MAP2K6: variants seen among roughly 807,000 people sequenced by gnomAD.
The protein encoded by MAP2K6 is mitogen-activated protein kinase kinase 6.
A neutral mutation model predicts 53.7 loss-of-function variants in MAP2K6; 16 were observed. The ratio of observed to expected loss-of-function variants is 0.30; its 90% confidence interval spans 0.20 to 0.45. The LOEUF (loss-of-function observed/expected upper bound fraction) is 0.45, where lower values mean the gene tolerates loss of function less well. Ranked by LOEUF, MAP2K6 falls within the 20% of genes least tolerant of loss-of-function variation. The pLI is 1.00. For synonymous variants in MAP2K6, 132 were observed against 143.1 expected (o/e 0.92, Z 0.55); for missense variants, 204 against 411.9 (o/e 0.50, Z 4.37).
intron 2 of MAP2K6, among the ~76,000 whole-genome samples, chr17:69,507,498 C>T (rs980466154): frequency 5.3e-5 from 8 of 152,204 alleles, no homozygotes; most frequent in South Asian, 2.1e-4. Flanking sequence ...TCCCCATCTC[C>T]GTCCTTAATC....
chr17:69,416,499 C>G (rs1438393931), intron 1 of MAP2K6, among the ~76,000 whole-genome samples: 5 of 152,086 alleles, frequency 3.3e-5, no homozygotes, highest in Non-Finnish European at 7.3e-5. Context: ...CATTTAGTTA[C>G]TTTGTATTTG....
intron 1 of MAP2K6, among the ~76,000 whole-genome samples, chr17:69,443,056 C>T (rs1906870351): frequency 6.6e-6 from 1 of 152,068 alleles, no homozygotes; most frequent in Middle Eastern, 3.2e-3. Flanking sequence ...CCACCCAGAC[C>T]ATCCAGTTTA....
intron 1 of MAP2K6, among the ~76,000 whole-genome samples, chr17:69,475,952 C>T (rs572110428): frequency 2.0e-5 from 3 of 152,234 alleles, no homozygotes; most frequent in African/African-American, 4.8e-5. Context: ...TCTTAAGATG[C>T]GAACCATGTA....
intron 2 of MAP2K6, among the ~76,000 whole-genome samples, chr17:69,507,306 A>AT (rs1393838857): frequency 2.6e-5 from 4 of 151,642 alleles, no homozygotes; most frequent in Non-Finnish European, 5.9e-5. Flanking sequence ...ATAGAACTTA[A>AT]TTTTGCCAGC....
At chr17:69,447,105 G>A (rs1906993995) in intron 1 of MAP2K6, among the ~76,000 whole-genome samples, 1 of 151,252 alleles carries the variant, frequency 6.6e-6, no homozygotes, top group Non-Finnish European at 1.5e-5. Flanking sequence ...AGCCTCCCTA[G>A]TAGCTGGGAT....
intron 1 of MAP2K6, among the ~76,000 whole-genome samples, chr17:69,441,561 G>A (rs973450296): frequency 6.6e-6 from 1 of 152,256 alleles, no homozygotes; most frequent in Middle Eastern, 3.4e-3. Context: ...GTTGATGGCT[G>A]CCTTAAAATT....
chr17:69,489,416 C>A (rs1326989098), intron 1 of MAP2K6, among the ~76,000 whole-genome samples: 1 of 152,102 alleles, frequency 6.6e-6, no homozygotes, highest in Non-Finnish European at 1.5e-5. Flanking sequence ...TCAGTCTTCG[C>A]AATTAACTGA....
chr17:69,539,941 T>C (rs906435634), intron 11 of MAP2K6, among the ~76,000 whole-genome samples: 2 of 152,150 alleles, frequency 1.3e-5, no homozygotes, highest in African/African-American at 2.4e-5. Context: ...AGGAAGGACC[T>C]GGCACTCAGA....
At chr17:69,453,514 T>C (rs1907299883) in intron 1 of MAP2K6, among the ~76,000 whole-genome samples, 1 of 152,176 alleles carries the variant, frequency 6.6e-6, no homozygotes, top group South Asian at 2.1e-4. Flanking sequence ...ATTAAGGGGG[T>C]CAAACACATT....
chr17:69,455,851 GTTTTTTTTTTTT>G lies in MAP2K6; in HGVS notation c.16+40866_16+40877del, dbSNP rs11317793. Among the ~76,000 whole-genome samples, 814 of 95,412 alleles carry G rather than the reference GTTTTTTTTTTTT, an allele frequency of 8.5e-3. 7 individuals are homozygous for G. Among genetic ancestry groups the G allele is most frequent in the African/African-American group, 0.033 (776 of 23,234 alleles). 62.6% of individuals were successfully genotyped at this position (95,412 alleles called of 152,430 possible). ...GACTGAGTGGGTTCCTGGACTTTCA[GTTTTTTTTTTTT>G]TTTTTTTTTTTTTTAAGACAGAGTT... On this transcript the variant is annotated intron_variant, in intron 1 of 11. Coordinates refer to ENST00000590474, the MANE Select transcript of MAP2K6 (RefSeq NM_002758.4).
chr17:69,431,311 A>G (rs1024193896), intron 1 of MAP2K6, among the ~76,000 whole-genome samples: 1 of 151,656 alleles, frequency 6.6e-6, no homozygotes, highest in Admixed American at 6.6e-5. Context: ...CTTATTGTAT[A>G]ATATACAATT....
At chr17:69,488,437 A>G (rs1284081593) in intron 1 of MAP2K6, among the ~76,000 whole-genome samples, 4 of 152,176 alleles carry the variant, frequency 2.6e-5, no homozygotes, top group Non-Finnish European at 5.9e-5. Flanking sequence ...ATCCAAAAGA[A>G]AAAAATTGTT....
At chr17:69,489,871 G>T (rs1430086497) in intron 1 of MAP2K6, among the ~76,000 whole-genome samples, 1 of 152,166 alleles carries the variant, frequency 6.6e-6, no homozygotes, top group Non-Finnish European at 1.5e-5. Flanking sequence ...GTATGTAGCC[G>T]AACAAAAGGC....
chr17:69,505,875 C>T, intron 2 of MAP2K6, 29 bp downstream of exon 2: 1 of 1,595,732 alleles, frequency 6.3e-7, no homozygotes, highest in Non-Finnish European at 8.6e-7. Flanking sequence ...CATCTGAATC[C>T]AAATCCTTGT....
rs1912178933 is a variant in MAP2K6, at chr17:69,553,541, C to T, written c.*11788C>T. The stretch of plus-strand genomic sequence containing the variant: ...TCTCAGGATATTCTTCAGTTTCATA[C>T]TGCTGAGGAGAAAGGAACAAGCTGC... On this transcript the variant is annotated 3_prime_UTR_variant, in exon 12 of 12. Coordinates refer to ENST00000590474, the MANE Select transcript of MAP2K6 (RefSeq NM_002758.4). 6.6e-6 allele frequency: 1 copy of T among 152,194 alleles called. No homozygotes were observed. The allele number at this position is 152,194 out of a possible 1,614,324, so 9.4% of individuals were successfully genotyped here.
chr17:69,429,950 C>T lies in MAP2K6; in HGVS notation c.16+14950C>T, dbSNP rs183890152. Among the ~76,000 whole-genome samples the T allele has an allele frequency of 2.0e-3, 305 of 152,058 alleles. 1 individual carries two copies. Among genetic ancestry groups the T allele is most frequent in the Non-Finnish European group, 2.2e-3 (148 of 68,004 alleles). ...AGGGATAGTCGTGGGACAGGTGATCCGAATAACAAAAGAACAGGTGAGCAG... is the reference window on the plus strand; with the variant it reads ...AGGGATAGTCGTGGGACAGGTGATCTGAATAACAAAAGAACAGGTGAGCAG... On this transcript the variant is annotated intron_variant, in intron 1 of 11. Transcript: ENST00000590474.
intron 1 of MAP2K6, among the ~76,000 whole-genome samples, chr17:69,489,847 G>T (rs1440604239): frequency 6.6e-6 from 1 of 152,188 alleles, no homozygotes. Flanking sequence ...TGGGAAATGC[G>T]CTAAGCCAGG....
intron 1 of MAP2K6, among the ~76,000 whole-genome samples, chr17:69,441,384 C>A (rs1366537280): frequency 6.6e-6 from 1 of 151,814 alleles, no homozygotes; most frequent in African/African-American, 2.4e-5. Flanking sequence ...TTTATTGATT[C>A]TCTGCTTTGT....
Position 69,414,750 on chromosome 17 carries a change from G to T in MAP2K6, c.-235G>T, listed in dbSNP as rs1409889650. On this transcript the variant is annotated 5_prime_UTR_variant, in exon 1 of 12. Transcript: ENST00000590474. The stretch of plus-strand genomic sequence containing the variant: ...AGCCCTGGCCCATCATGTAGCTGCA[G>T]CACAGCCTTCCCTAACGTTGCAACT... The T allele has an allele frequency of 5.9e-6, 3 of 510,934 alleles. No homozygotes were observed. The highest frequency in any genetic ancestry group is 1.9e-5 in the African/African-American group (1 of 51,486). 31.7% of individuals were successfully genotyped at this position (510,934 alleles called of 1,614,324 possible).
Sources: gnomAD v4.1 joint callset for allele counts (sites outside exome capture counted in the v4.1 genomes callset) on GRCh38, gnomAD v4.1.1 for gene constraint, MANE v1.5 for transcripts, NCBI Gene and HGNC (gene_info 2026-07-23, HGNC 2026-07-21) for gene names.